The following KLHL6 variants were observed in gnomAD, a reference collection of about 807,000 sequenced individuals.
The protein encoded by KLHL6 is kelch like family member 6, also known as kelch-like protein 6.
In KLHL6, 41 loss-of-function variants were observed where a neutral mutation model predicts 58.6. That is an observed-to-expected ratio of 0.70 (90% CI 0.55 to 0.91). KLHL6 has a LOEUF of 0.91. KLHL6 is among the 40% of genes least tolerant of loss of function. The probability of loss-of-function intolerance (pLI) is 0.00; values close to 1 mark genes in which losing one functional copy is unlikely to be tolerated. For missense variants in KLHL6, 714 were observed against 805.6 expected (o/e 0.89, Z 1.38); for synonymous variants, 338 against 322.7 (o/e 1.05, Z -0.51).
chr3:183,498,260 A>G (rs1435917256), intron 4 of KLHL6, among the ~76,000 whole-genome samples: 1 of 152,124 alleles, frequency 6.6e-6, no homozygotes, highest in East Asian at 1.9e-4. Context: ...AAATAAAATA[A>G]ACGTCTACAA....
intron 2 of KLHL6, among the ~76,000 whole-genome samples, chr3:183,526,224 T>A (rs1488914324): frequency 2.0e-5 from 3 of 152,144 alleles, no homozygotes; most frequent in Admixed American, 2.0e-4. Context: ...GGCAGGAGAA[T>A]TGCTTGAACC....
intron 2 of KLHL6, among the ~76,000 whole-genome samples, chr3:183,516,354 A>G (rs7623174): frequency 0.53 from 80,105 of 152,062 alleles, 21,548 homozygotes; most frequent in Non-Finnish European, 0.58. Flanking sequence ...CAAGACTTCA[A>G]GGTAAATTTT....
intron 2 of KLHL6, among the ~76,000 whole-genome samples, chr3:183,525,902 C>T (rs746312794): frequency 1.3e-5 from 2 of 152,230 alleles, no homozygotes; most frequent in African/African-American, 2.4e-5. Flanking sequence ...ATAGAGACTG[C>T]TATATGCATG....
intron 1 of KLHL6, among the ~76,000 whole-genome samples, chr3:183,539,301 C>T (rs1712472402): frequency 6.6e-6 from 1 of 152,216 alleles, no homozygotes; most frequent in African/African-American, 2.4e-5. Context: ...ATGGCTGCCT[C>T]CCGAATCAGG....
chr3:183,494,074 T>C lies in KLHL6; in HGVS notation c.1350+5A>G. On this transcript the variant is annotated splice_donor_5th_base_variant and intron_variant, in intron 5 of 6. Transcript: ENST00000341319. Reference sequence around the variant, plus strand: ...GCAGTTACTGGTAGAAATCGTGTCCTATACCTCTGACCAGCAGTTGTGAAA... The same window carrying C: ...GCAGTTACTGGTAGAAATCGTGTCCCATACCTCTGACCAGCAGTTGTGAAA... 1.2e-6 allele frequency: 2 copies of C among 1,612,992 alleles called. No homozygotes were observed. The highest frequency in any genetic ancestry group is 2.2e-5 in the South Asian group (2 of 91,052).
chr3:183,521,413 C>T (rs1711754164), intron 2 of KLHL6: 1 of 152,326 alleles, frequency 6.6e-6, no homozygotes, highest in Admixed American at 6.5e-5. Flanking sequence ...GACACACTCG[C>T]ACAGAGCACT....
chr3:183,512,547 A>C (rs1308767215), intron 2 of KLHL6, among the ~76,000 whole-genome samples: 1 of 151,732 alleles, frequency 6.6e-6, no homozygotes, highest in Non-Finnish European at 1.5e-5. Context: ...GCTGGAGTGC[A>C]ATGGCATGAT....
intron 2 of KLHL6, among the ~76,000 whole-genome samples, chr3:183,511,594 G>T (rs1167475161): frequency 6.6e-6 from 1 of 152,168 alleles, no homozygotes; most frequent in Non-Finnish European, 1.5e-5. Context: ...GACAATACCC[G>T]GCTTTCCAGG....
chr3:183,488,009 T>C lies in KLHL6; in HGVS notation c.*3918A>G, dbSNP rs1717447407. 1 of 152,230 alleles carries C rather than the reference T, an allele frequency of 6.6e-6. No individual in the cohort carries two copies. The highest frequency in any genetic ancestry group is 2.1e-4 in the South Asian group (1 of 4,838). The allele number at this position is 152,230 out of a possible 1,614,324, so 9.4% of individuals were successfully genotyped here. A position where few individuals can be genotyped will look rare whatever the true frequency, so the allele number is the denominator to read the frequency against. On this transcript the variant is annotated 3_prime_UTR_variant, in exon 7 of 7. Coordinates refer to ENST00000341319, the MANE Select transcript of KLHL6 (RefSeq NM_130446.4). ...ATAGCTAAGCTATACTTTACAGCTATAAGAACGTGATATTTGTATTTCCCT... is the reference window on the plus strand; with the variant it reads ...ATAGCTAAGCTATACTTTACAGCTACAAGAACGTGATATTTGTATTTCCCT...
At chr3:183,554,222 T>C (rs1713029304) in intron 1 of KLHL6, among the ~76,000 whole-genome samples, 1 of 152,164 alleles carries the variant, frequency 6.6e-6, no homozygotes, top group African/African-American at 2.4e-5. Context: ...TTCCCAGCGC[T>C]ATAAAATTCC....
intron 1 of KLHL6, among the ~76,000 whole-genome samples, chr3:183,539,708 C>CAAAAAAAAA (rs4066041): frequency 2.4e-5 from 3 of 123,418 alleles, no homozygotes; most frequent in African/African-American, 9.5e-5. Context: ...GACTCCATCT[C>CAAAAAAAAA]AAAAAAAAAA....
chr3:183,544,846 A>C (rs1418574940), intron 1 of KLHL6: 4 of 152,136 alleles, frequency 2.6e-5, no homozygotes, highest in African/African-American at 9.8e-5. Flanking sequence ...GGCTGGGCTG[A>C]TCATTGTGCC....
chr3:183,535,530 C>T (rs1712336540), intron 1 of KLHL6, among the ~76,000 whole-genome samples: 1 of 152,200 alleles, frequency 6.6e-6, no homozygotes, highest in South Asian at 2.1e-4. Context: ...GGCAACACAT[C>T]TCTAGAGACC....
At position 183,493,992 on chromosome 3, in the gene KLHL6, C is replaced by A; in HGVS notation, c.1350+87G>T. 5.7e-6 allele frequency: 7 copies of A among 1,220,242 alleles called. No homozygotes were observed. The South Asian group carries it at 7.4e-5, about 13-fold the overall frequency. 75.6% of individuals were successfully genotyped at this position (1,220,242 alleles called of 1,614,324 possible). On this transcript the variant is annotated intron_variant, in intron 5 of 6. Transcript: ENST00000341319. ...GGAAGTAAAGTGATCAGAAAGCTGA[C>A]CACCACGGCAGGCACGTTCCAAAGC...
chr3:183,529,004 G>A (rs1266078335), intron 1 of KLHL6, among the ~76,000 whole-genome samples: 1 of 152,180 alleles, frequency 6.6e-6, no homozygotes, highest in Non-Finnish European at 1.5e-5. Flanking sequence ...GCAGGGACAT[G>A]GAAGGAGCTG....
At chr3:183,529,821 C>G (rs570325715) in intron 1 of KLHL6, among the ~76,000 whole-genome samples, 1 of 151,978 alleles carries the variant, frequency 6.6e-6, no homozygotes, top group Non-Finnish European at 1.5e-5. Context: ...ACTCTAACCC[C>G]GCAGTGTGAC....
chr3:183,514,181 G>C (rs534319604), intron 2 of KLHL6, among the ~76,000 whole-genome samples: 23 of 152,326 alleles, frequency 1.5e-4, no homozygotes, highest in African/African-American at 4.8e-4. Flanking sequence ...GGAGGCAGCA[G>C]ACGCTAACCA....
chr3:183,539,359 G>A (rs1285629355), intron 1 of KLHL6, among the ~76,000 whole-genome samples: 1 of 152,168 alleles, frequency 6.6e-6, no homozygotes, highest in East Asian at 1.9e-4. Context: ...TGACAGAGGA[G>A]CTGGAAGCCT....
chr3:183,542,871 G>A (rs200416873), intron 1 of KLHL6, among the ~76,000 whole-genome samples: 1 of 147,754 alleles, frequency 6.8e-6, no homozygotes, highest in Non-Finnish European at 1.5e-5. Context: ...TGGATGGATG[G>A]ATGGATGGAT....
Sources: allele counts gnomAD v4.1 joint callset (sites outside exome capture counted in the v4.1 genomes callset), GRCh38; gene constraint gnomAD v4.1.1; transcripts MANE v1.5; gene names NCBI Gene and HGNC (gene_info 2026-07-23, HGNC 2026-07-21).